The following ARID2 variants were observed in gnomAD, a reference collection of about 807,000 sequenced individuals.
The protein encoded by ARID2 is AT-rich interaction domain 2.
ARID2 carries 32 observed loss-of-function variants against 184.6 expected under a neutral mutation model. The ratio of observed to expected loss-of-function variants is 0.17; its 90% CI spans 0.13 to 0.23. The LOEUF (loss-of-function observed/expected upper bound fraction) is 0.23. Among genes scored for constraint, ARID2 ranks in the 10% least tolerant of loss-of-function variants. The pLI is 1.00. For synonymous variants in ARID2, 836 were observed against 772.6 expected, an observed-to-expected ratio of 1.08 and a Z score of -1.36; for missense variants, 1,696 against 2,197.6, an observed-to-expected ratio of 0.77 and a Z score of 4.56.
chr12:45,784,612 C>T (rs560219463), intron 3 of ARID2, among the ~76,000 whole-genome samples: 6 of 152,106 alleles, frequency 3.9e-5, no homozygotes, highest in South Asian at 2.1e-4. Flanking sequence ...TGCACTGAGC[C>T]GAGATCGTGC....
intron 20 of ARID2, among the ~76,000 whole-genome samples, chr12:45,896,208 G>A (rs745856814): frequency 3.5e-4 from 53 of 152,210 alleles, no homozygotes; most frequent in Admixed American, 8.5e-4. Flanking sequence ...AGAACCTTGT[G>A]TAAGAAGTGT....
In ARID2 at chr12:45,850,628, G is replaced by C. The variant is rs778117927; in HGVS notation, c.2505G>C (p.Gln835His). 6.2e-7 allele frequency: 1 copy of C among 1,614,066 alleles called. No homozygotes were observed. Among genetic ancestry groups the C allele is most frequent in the Non-Finnish European group, 8.5e-7 (1 of 1,179,988 alleles). The part of the protein sequence containing the change: ...SPQPVQTSSQ[Q>H]TSAGSQSQDT... ...AACCTGTGCAAACTTCATCTCAACA[G>C]ACATCAGCTGGTAGCCAGTCACAAG... Residue 835 changes from glutamine to histidine, a missense_variant, in exon 15 of 21, where the codon CAG becomes CAC. Coordinates refer to ENST00000334344, the MANE Select transcript of ARID2 (RefSeq NM_152641.4).
chr12:45,856,958 G>A (rs1943661997), intron 15 of ARID2, among the ~76,000 whole-genome samples: 1 of 152,078 alleles, frequency 6.6e-6, no homozygotes, highest in Non-Finnish European at 1.5e-5. Context: ...CACTGTTCAT[G>A]AATTGGTATC....
intron 3 of ARID2, among the ~76,000 whole-genome samples, chr12:45,752,986 C>T (rs1213938923): frequency 6.6e-6 from 1 of 152,070 alleles, no homozygotes; most frequent in Non-Finnish European, 1.5e-5. Context: ...TCCAGCTGGG[C>T]GTGGTGGCTC....
intron 20 of ARID2, among the ~76,000 whole-genome samples, chr12:45,901,154 ATTTTTTTTT>A (rs71067909): frequency 4.4e-5 from 2 of 44,966 alleles, no homozygotes; most frequent in Non-Finnish European, 7.1e-5. Flanking sequence ...AATTTCCTTA[ATTTTTTTTT>A]TTTTTTTTTT....
chr12:45,814,253 A>G (rs1942764305), intron 4 of ARID2, among the ~76,000 whole-genome samples: 1 of 152,252 alleles, frequency 6.6e-6, no homozygotes, highest in African/African-American at 2.4e-5. Flanking sequence ...ACAGCACTCC[A>G]GGAACAACTC....
At position 45,868,295 on chromosome 12, in the gene ARID2, G is replaced by A. The variant is rs567137775; in HGVS notation, c.4922+7346G>A. Among the ~76,000 whole-genome samples, 208 of 152,248 alleles carry A rather than the reference G, an allele frequency of 1.4e-3. 1 individual carries two copies. The highest frequency in any genetic ancestry group is 2.6e-3 in the Non-Finnish European group (178 of 68,026). ...GTCTCTACTAAAAATACAAAAATTA[G>A]CTAGGCATGGTGGCGGGTACCTGTA... is the stretch of plus-strand genomic sequence containing the variant. On this transcript the variant is annotated intron_variant, in intron 16 of 20. Coordinates refer to ENST00000334344, the MANE Select transcript of ARID2 (RefSeq NM_152641.4).
rs529862798 is a variant in ARID2, at chr12:45,744,119, A to G, written c.284+12805A>G. Among the ~76,000 whole-genome samples the G allele has an allele frequency of 3.3e-5, 5 of 152,174 alleles. No individual in the cohort carries two copies. In the South Asian group the frequency reaches 1.0e-3, roughly 32 times the overall value. On this transcript the variant is annotated intron_variant, in intron 3 of 20. Transcript: ENST00000334344. The stretch of plus-strand genomic sequence containing the variant: ...TTTCTTTTGTCTAATTGCATTGGCC[A>G]GTATATCCATGCAATGTTAATTAGT...
rs1943508405 is a variant in ARID2, at chr12:45,849,803, G to A, written c.1912+27G>A. 5 of 1,579,584 alleles carry A rather than the reference G, an allele frequency of 3.2e-6. No individual in the cohort carries two copies. In the East Asian group the frequency reaches 6.7e-5, roughly 21 times the overall value. The stretch of plus-strand genomic sequence containing the variant: ...TGTTAATTTTTATTGTATTTTTAAA[G>A]TATTACTGATTTAATAATAAAACTG... On this transcript the variant is annotated intron_variant, in intron 14 of 20. Transcript: ENST00000334344.
chr12:45,795,394 C>T (rs1942371595), intron 3 of ARID2, among the ~76,000 whole-genome samples: 1 of 151,934 alleles, frequency 6.6e-6, no homozygotes, highest in Non-Finnish European at 1.5e-5. Context: ...TCTTGTGGTA[C>T]TCTGCTCTGC....
At chr12:45,887,936 A>G (rs915457896) in intron 16 of ARID2, among the ~76,000 whole-genome samples, 2 of 152,310 alleles carry the variant, frequency 1.3e-5, no homozygotes, top group East Asian at 3.9e-4. Flanking sequence ...CTGAAGATCT[A>G]ATGTACAGAA....
At chr12:45,826,177 A>T (rs1238853427) in intron 6 of ARID2, among the ~76,000 whole-genome samples, 1 of 152,142 alleles carries the variant, frequency 6.6e-6, no homozygotes, top group Non-Finnish European at 1.5e-5. Context: ...AAAAGTTAAT[A>T]TAGACTATAT....
At chr12:45,846,581 G>T (rs1592116147) in intron 11 of ARID2, among the ~76,000 whole-genome samples, 1 of 152,046 alleles carries the variant, frequency 6.6e-6, no homozygotes, top group East Asian at 1.9e-4. Context: ...AATAACAGAG[G>T]TTATATTAAC....
chr12:45,754,186 TAG>T (rs1941520278), intron 3 of ARID2, among the ~76,000 whole-genome samples: 1 of 152,142 alleles, frequency 6.6e-6, no homozygotes, highest in Non-Finnish European at 1.5e-5. Flanking sequence ...GCATAAGTAA[TAG>T]TATCAGGCAA....
intron 16 of ARID2, among the ~76,000 whole-genome samples, chr12:45,869,951 A>C (rs1009915545): frequency 6.6e-6 from 1 of 152,130 alleles, no homozygotes; most frequent in Admixed American, 6.5e-5. Context: ...AATAGTGATA[A>C]TATTCATCCA....
chr12:45,825,570 T>C (rs930392943), intron 6 of ARID2, among the ~76,000 whole-genome samples: 3 of 152,094 alleles, frequency 2.0e-5, no homozygotes, highest in Non-Finnish European at 4.4e-5. Context: ...TAGCAGTCTA[T>C]TTTAAGTATT....
At chr12:45,747,247 G>GT (rs1415998041) in intron 3 of ARID2, among the ~76,000 whole-genome samples, 1 of 152,112 alleles carries the variant, frequency 6.6e-6, no homozygotes, top group African/African-American at 2.4e-5. Context: ...ATTCTTTAAT[G>GT]TATCTTTTTG....
chr12:45,830,951 A>G (rs1015365110), intron 6 of ARID2, among the ~76,000 whole-genome samples: 10 of 151,932 alleles, frequency 6.6e-5, no homozygotes, highest in African/African-American at 2.2e-4. Flanking sequence ...CCAGCTACTC[A>G]GGAGGCTGAG....
intron 11 of ARID2, among the ~76,000 whole-genome samples, chr12:45,844,512 C>A (rs1943407794): frequency 2.0e-5 from 3 of 152,086 alleles, no homozygotes; most frequent in Admixed American, 2.0e-4. Flanking sequence ...ACTTTGCCCT[C>A]AATTGTAATA....
Sources: allele counts gnomAD v4.1 joint callset (sites outside exome capture counted in the v4.1 genomes callset), GRCh38; gene constraint gnomAD v4.1.1; transcripts MANE v1.5; gene names NCBI Gene and HGNC (gene_info 2026-07-23, HGNC 2026-07-21).